CAMKMT: variants seen among roughly 807,000 people sequenced by gnomAD.
The protein encoded by CAMKMT is CaM KMT.
CAMKMT carries 53 observed loss-of-function variants against 48.0 expected under a neutral mutation model. The ratio of observed to expected loss-of-function variants is 1.10; its 90% CI spans 0.89 to 1.39. CAMKMT has a LOEUF of 1.39. CAMKMT is among the 40% of genes most tolerant of loss of function. The pLI is 0.00. For synonymous variants in CAMKMT, 165 were observed against 152.3 expected, an observed-to-expected ratio of 1.08 and a Z score of -0.61; for missense variants, 428 against 402.7, an observed-to-expected ratio of 1.06 and a Z score of -0.54.
At chr2:44,602,633 T>TA (rs2103862605) in intron 3 of CAMKMT, among the ~76,000 whole-genome samples, 1 of 152,098 alleles carries the variant, frequency 6.6e-6, no homozygotes, top group Admixed American at 6.5e-5. Context: ...TCAGGAAACT[T>TA]ACAATCATGG....
At chr2:44,454,941 T>C (rs1293074511) in intron 3 of CAMKMT, among the ~76,000 whole-genome samples, 1 of 152,168 alleles carries the variant, frequency 6.6e-6, no homozygotes. Flanking sequence ...AGCCTGGTCT[T>C]TGAACTCTTG....
chr2:44,741,591 C>T (rs1254560773), intron 7 of CAMKMT, among the ~76,000 whole-genome samples: 1 of 152,204 alleles, frequency 6.6e-6, no homozygotes, highest in East Asian at 1.9e-4. Flanking sequence ...TGTGCTAAAG[C>T]TGAACTCTGT....
At chr2:44,368,422 C>A (rs1678836206) in intron 1 of CAMKMT, among the ~76,000 whole-genome samples, 1 of 152,160 alleles carries the variant, frequency 6.6e-6, no homozygotes, top group Non-Finnish European at 1.5e-5. Context: ...ATTGCAATTA[C>A]TTTTACCTAA....
intron 3 of CAMKMT, among the ~76,000 whole-genome samples, chr2:44,696,132 G>A (rs1676937671): frequency 6.6e-6 from 1 of 151,954 alleles, no homozygotes; most frequent in South Asian, 2.1e-4. Context: ...TAGTAGAAAC[G>A]GGGTTTCACT....
At chr2:44,685,691 T>C (rs1184583712) in intron 3 of CAMKMT, among the ~76,000 whole-genome samples, 3 of 152,186 alleles carry the variant, frequency 2.0e-5, no homozygotes, top group Non-Finnish European at 2.9e-5. Flanking sequence ...CTCTGACTTC[T>C]TTGTGGTTCT....
At chr2:44,460,746 A>T (rs1179020885) in intron 3 of CAMKMT, among the ~76,000 whole-genome samples, 2 of 132,866 alleles carry the variant, frequency 1.5e-5, no homozygotes, top group African/African-American at 5.9e-5. Flanking sequence ...TTTGAGACAG[A>T]GTCTTGCTCT....
At chr2:44,408,993 C>T (rs576080025) in intron 3 of CAMKMT, among the ~76,000 whole-genome samples, 8 of 151,454 alleles carry the variant, frequency 5.3e-5, no homozygotes, top group African/African-American at 1.2e-4. Context: ...TTGCCTGCCT[C>T]GGCCTCCCAA....
chr2:44,642,567 C>T (rs1466795828), intron 3 of CAMKMT, among the ~76,000 whole-genome samples: 3 of 152,220 alleles, frequency 2.0e-5, no homozygotes, highest in Non-Finnish European at 4.4e-5. Flanking sequence ...TTCTGCTTCT[C>T]TGCATTGTGT....
At chr2:44,516,191 T>G (rs544537375) in intron 3 of CAMKMT, among the ~76,000 whole-genome samples, 4 of 152,346 alleles carry the variant, frequency 2.6e-5, no homozygotes, top group African/African-American at 9.6e-5. Context: ...TTAAAATTTC[T>G]TTCACAGTTC....
At chr2:44,518,664 C>T (rs1670952297) in intron 3 of CAMKMT, among the ~76,000 whole-genome samples, 1 of 152,178 alleles carries the variant, frequency 6.6e-6, no homozygotes. Context: ...ATTTCTCTCC[C>T]ACTCTAAACT....
At chr2:44,363,636 T>G (rs1678245039) in intron 1 of CAMKMT, among the ~76,000 whole-genome samples, 1 of 149,150 alleles carries the variant, frequency 6.7e-6, no homozygotes, top group Non-Finnish European at 1.5e-5. Context: ...CACCTCGGCT[T>G]CCCAAAGTAC....
intron 2 of CAMKMT, among the ~76,000 whole-genome samples, chr2:44,387,274 C>G (rs1558564160): frequency 6.6e-6 from 1 of 152,132 alleles, no homozygotes; most frequent in Non-Finnish European, 1.5e-5. Context: ...TAATGTCCCT[C>G]TTTGTCTCTT....
chr2:44,390,695 T>G (rs1488594870), intron 3 of CAMKMT, among the ~76,000 whole-genome samples: 2 of 152,164 alleles, frequency 1.3e-5, no homozygotes, highest in Non-Finnish European at 2.9e-5. Context: ...GGTGCTTTCT[T>G]TGCCATTCCC....
intron 3 of CAMKMT, among the ~76,000 whole-genome samples, chr2:44,572,607 G>A (rs1668974109): frequency 6.6e-6 from 1 of 152,198 alleles, no homozygotes; most frequent in Non-Finnish European, 1.5e-5. Flanking sequence ...GTGTACACAT[G>A]TCTGTTGGAG....
chr2:44,375,720 T>C (rs574169439), intron 2 of CAMKMT, among the ~76,000 whole-genome samples: 18 of 151,926 alleles, frequency 1.2e-4, no homozygotes, highest in African/African-American at 4.3e-4. Flanking sequence ...AAGAGGCCAT[T>C]GCAGTCTTTA....
At position 44,372,400 on chromosome 2, in the gene CAMKMT, G is replaced by A. The variant is rs947067597; in HGVS notation, c.139-316G>A. 5.9e-5 allele frequency among the ~76,000 whole-genome samples: 9 copies of A among 151,490 alleles called. No homozygotes were observed. The South Asian group carries it at 1.0e-3, about 18-fold the overall frequency. ...CTAGGGAGCCTGAGGTAGGAGGATC[G>A]CCTGAACCCAGCTGGGTGACAGGCT... On this transcript the variant is annotated intron_variant, in intron 1 of 10. Coordinates refer to ENST00000378494, the MANE Select transcript of CAMKMT (RefSeq NM_024766.5).
chr2:44,706,317 C>T lies in CAMKMT; in HGVS notation c.468C>T (p.Gly156=), dbSNP rs549806017. 3 of 1,613,308 alleles carry T rather than the reference C, an allele frequency of 1.9e-6. No individual in the cohort carries two copies. The highest frequency in any genetic ancestry group is 2.2e-5 in the South Asian group (2 of 91,046). The change falls in exon 5 of 11, where the codon GGC becomes GGT. Residue 156 remains glycine, a synonymous_variant. Coordinates refer to ENST00000378494, the MANE Select transcript of CAMKMT (RefSeq NM_024766.5). The stretch of plus-strand genomic sequence containing the variant: ...TTGCTGTGTGTGAGCTAGGGGGTGG[C>T]ATGACATGCTTGGCTGGGCTCATGG... ...RALAVCELGG[G]MTCLAGLMVA... is the part of the protein sequence containing the mutation.
At chr2:44,686,512 G>A (rs1308011703) in intron 3 of CAMKMT, among the ~76,000 whole-genome samples, 1 of 152,160 alleles carries the variant, frequency 6.6e-6, no homozygotes, top group Non-Finnish European at 1.5e-5. Context: ...TTAACAATGG[G>A]AGAAACTGAG....
intron 3 of CAMKMT, among the ~76,000 whole-genome samples, chr2:44,542,529 A>T (rs868639125): frequency 1.3e-4 from 8 of 62,786 alleles, no homozygotes; most frequent in African/African-American, 2.4e-4. Flanking sequence ...ACACACACAC[A>T]CACACACACT....
Sources: allele counts gnomAD v4.1 joint callset (sites outside exome capture counted in the v4.1 genomes callset), GRCh38; gene constraint gnomAD v4.1.1; transcripts MANE v1.5; gene names NCBI Gene and HGNC (gene_info 2026-07-23, HGNC 2026-07-21).